Variants in DDX60L observed in about 807,000 individuals in gnomAD.
The protein encoded by DDX60L is probable ATP-dependent RNA helicase DDX60-like.
Under a neutral mutation model 211.6 loss-of-function variants are expected in DDX60L, and 191 were observed. The ratio of observed to expected loss-of-function variants is 0.90; its 90% CI spans 0.80 to 1.02. The LOEUF is 1.02. Ranked by LOEUF, DDX60L falls within the 50% of genes least tolerant of loss-of-function variation. The pLI is 0.00. For synonymous variants in DDX60L, 706 were observed against 694.1 expected (o/e 1.02, Z -0.27); for missense variants, 2,007 against 1,984.1 (o/e 1.01, Z -0.22).
intron 29 of DDX60L, among the ~76,000 whole-genome samples, chr4:168,386,904 TAGAG>T (rs1743991383): frequency 6.6e-6 from 1 of 152,144 alleles, no homozygotes; most frequent in African/African-American, 2.4e-5. Context: ...ATATTTTAGA[TAGAG>T]AGCAAAAGGA....
At chr4:168,379,885 T>C (rs1193027239) in intron 30 of DDX60L, 55 bp from the exon 31 acceptor site, 61 of 1,277,360 alleles carry the variant, frequency 4.8e-5, no homozygotes, top group Non-Finnish European at 6.6e-5. Context: ...TTGTAAATAC[T>C]GATATGTAAT....
chr4:168,480,147 A>G (rs1760234755), intron 1 of DDX60L: 1 of 152,168 alleles, frequency 6.6e-6, no homozygotes, highest in African/African-American at 2.4e-5. Flanking sequence ...GGACCCGTTA[A>G]ATGCCTGAGC....
At chr4:168,376,271 GTATTT>G (rs1579236303) in intron 33 of DDX60L, among the ~76,000 whole-genome samples, 1 of 151,918 alleles carries the variant, frequency 6.6e-6, no homozygotes, top group Non-Finnish European at 1.5e-5. Context: ...AATAATTGAG[GTATTT>G]TATAAGGGTA....
chr4:168,467,115 T>C lies in DDX60L; in HGVS notation c.264+4632A>G, dbSNP rs1758090117. On this transcript the variant is annotated intron_variant, in intron 4 of 37. Transcript: ENST00000682922. ...CATAATCTGAAAATGAATGAAAAAA[T>C]AAATATTTAGTGGCTAGGCACAGTG... 2.0e-5 allele frequency among the ~76,000 whole-genome samples: 3 copies of C among 152,060 alleles called. No homozygotes were observed. The South Asian group carries it at 6.2e-4, about 32-fold the overall frequency.
intron 7 of DDX60L, among the ~76,000 whole-genome samples, chr4:168,454,074 G>C (rs2712140): frequency 0.81 from 123,598 of 152,080 alleles, 50,317 homozygotes; most frequent in East Asian, 0.89. Flanking sequence ...ACCCTATGAT[G>C]GGTGCTATTC....
chr4:168,374,211 C>T (rs1472428237), intron 34 of DDX60L, among the ~76,000 whole-genome samples: 1 of 151,778 alleles, frequency 6.6e-6, no homozygotes, highest in East Asian at 1.9e-4. Flanking sequence ...CTCGTTTTTC[C>T]CATCACGACA....
chr4:168,455,713 C>T (rs1208670370), intron 7 of DDX60L, among the ~76,000 whole-genome samples: 1 of 152,174 alleles, frequency 6.6e-6, no homozygotes, highest in African/African-American at 2.4e-5. Flanking sequence ...TTCCTCCTCA[C>T]TTTCTCTGTT....
At position 168,427,164 on chromosome 4, in the gene DDX60L, C is replaced by T. The variant is rs114955463; in HGVS notation, c.1836G>A (p.Leu612=). ...TCACTGAATTACTTGCACATGATGT[C>T]AAATAATCTTCCAATTTCCTTATTC... ...HSGIRKLEDY[L]TSCASNSVKF... is the part of the protein sequence containing the mutation. The change falls in exon 14 of 38, where the codon TTG becomes TTA. Residue 612 remains leucine (L), a synonymous_variant. Coordinates refer to ENST00000682922, the MANE Select transcript of DDX60L (RefSeq NM_001012967.3). 940 of 1,611,162 alleles carry T rather than the reference C, an allele frequency of 5.8e-4. 6 individuals carry two copies. In the African/African-American group the frequency reaches 0.011, roughly 19 times the overall value.
intron 19 of DDX60L, 92 bp from the exon 20 acceptor site, chr4:168,416,889 T>G (rs1470821334): frequency 3.1e-6 from 2 of 652,472 alleles, no homozygotes; most frequent in Non-Finnish European, 5.1e-6. Context: ...TTTTTCCAGT[T>G]TCCTATAAAT....
At chr4:168,436,733 G>A (rs774560236) in intron 10 of DDX60L, among the ~76,000 whole-genome samples, 126 of 152,270 alleles carry the variant, frequency 8.3e-4, no homozygotes, top group Non-Finnish European at 1.4e-3. Flanking sequence ...CAAAATTTCT[G>A]CTTTCTGTTC....
chr4:168,421,839 G>A lies in DDX60L; in HGVS notation c.2315C>T (p.Thr772Ile), dbSNP rs987540875. The part of the protein sequence containing the change: ...VIVAPTSSGK[T>I]YASYYCMEKV... ...CTCCATGCAGTAGTAGGAAGCATAG[G>A]TTTTGCCTGAGGACGTTGGGGCAAC... The change falls in exon 17 of 38, where the codon ACC becomes ATC. Residue 772 changes from threonine (T) to isoleucine (I), a missense_variant. By Grantham distance (89) the Thr-to-Ile change is moderately conservative. Coordinates refer to ENST00000682922, the MANE Select transcript of DDX60L (RefSeq NM_001012967.3). 3 of 1,614,184 alleles carry A rather than the reference G, an allele frequency of 1.9e-6. No homozygotes were observed. The highest frequency in any genetic ancestry group is 2.5e-6 in the Non-Finnish European group (3 of 1,180,032).
chr4:168,442,954 A>C (rs1428590236), intron 9 of DDX60L, among the ~76,000 whole-genome samples: 23 of 152,202 alleles, frequency 1.5e-4, no homozygotes, highest in East Asian at 5.8e-4. Context: ...ACTGGAAACT[A>C]TAAAAAGCAG....
intron 4 of DDX60L, 149 bp from the exon 5 acceptor site, chr4:168,462,189 C>T: frequency 4.9e-6 from 3 of 615,282 alleles, no homozygotes; most frequent in Non-Finnish European, 5.7e-6. Flanking sequence ...ACTCCTTTCA[C>T]AAGTGCATGC....
intron 16 of DDX60L, 70 bp downstream of exon 16, chr4:168,422,454 T>C (rs190900952): frequency 1.4e-6 from 2 of 1,464,174 alleles, no homozygotes; most frequent in South Asian, 1.4e-5. Context: ...AAATTTGACA[T>C]GTAGAGACAC....
At chr4:168,402,982 G>A (rs1017078566) in intron 25 of DDX60L, among the ~76,000 whole-genome samples, 27 of 152,178 alleles carry the variant, frequency 1.8e-4, no homozygotes, top group African/African-American at 6.3e-4. Flanking sequence ...TTTCTGTTCA[G>A]ATTCCTATCC....
At position 168,432,561 on chromosome 4, in the gene DDX60L, C is replaced by T. The variant is rs200379104; in HGVS notation, c.1410G>A (p.Pro470=). ...TTTGTTTAAACAGTGAAGGAACAAC[C>T]GGATCATCACTGTAAAAATAAATAC... ...KDLPILKSDD[P]VVPSLFKQKT... is the part of the protein sequence containing the mutation. The change falls in exon 12 of 38, where the codon CCG becomes CCA. Residue 470 remains proline (P), a synonymous_variant. Transcript: ENST00000682922. 58 of 1,555,008 alleles carry T rather than the reference C, an allele frequency of 3.7e-5. No homozygotes were observed. Among genetic ancestry groups the T allele is most frequent in the African/African-American group, 2.2e-4 (16 of 72,452 alleles).
At chr4:168,402,806 A>T (rs1747070875) in intron 25 of DDX60L, among the ~76,000 whole-genome samples, 1 of 152,236 alleles carries the variant, frequency 6.6e-6, no homozygotes, top group South Asian at 2.1e-4. Flanking sequence ...CCAGAGCTAC[A>T]AACCAGTGGA....
intron 36 of DDX60L, 103 bp from the exon 37 acceptor site, chr4:168,361,314 G>A: frequency 1.4e-6 from 1 of 691,050 alleles, no homozygotes; most frequent in Non-Finnish European, 2.5e-6. Flanking sequence ...TAATTTATCT[G>A]CCAAATGCAC....
chr4:168,419,121 C>CT (rs1406911544), intron 19 of DDX60L, among the ~76,000 whole-genome samples, 181 bp downstream of exon 19: 1 of 152,210 alleles, frequency 6.6e-6, no homozygotes, highest in East Asian at 1.9e-4. Flanking sequence ...TAAACAGCCC[C>CT]TTAGTAAAAA....
Sources: allele counts gnomAD v4.1 joint callset (sites outside exome capture counted in the v4.1 genomes callset), GRCh38; gene constraint gnomAD v4.1.1; transcripts MANE v1.5; gene names NCBI Gene and HGNC (gene_info 2026-07-23, HGNC 2026-07-21).